Variants in ARHGEF10L observed in about 807,000 individuals in gnomAD.
ARHGEF10L encodes rho guanine nucleotide exchange factor 10-like protein.
A neutral mutation model predicts 141.2 loss-of-function variants in ARHGEF10L; 69 were observed. The ratio of observed to expected loss-of-function variants is 0.49; its 90% CI spans 0.40 to 0.60. ARHGEF10L has a LOEUF of 0.60. Among genes scored for constraint, ARHGEF10L ranks in the 20% least tolerant of loss-of-function variants. The pLI is 0.00. For missense variants in ARHGEF10L, 1,482 were observed against 1,734.3 expected, an observed-to-expected ratio of 0.85 and a Z score of 2.58; for synonymous variants, 711 against 718.5, an observed-to-expected ratio of 0.99 and a Z score of 0.17.
the ARHGEF10L span, among the ~76,000 whole-genome samples, chr1:17,523,688 C>G: frequency 6.6e-6 from 1 of 152,198 alleles, no homozygotes; most frequent in Admixed American, 6.5e-5. Context: ...CCTGCTCTTC[C>G]CACTCAGTGC....
chr1:17,540,984 T>C (rs6668260), intron 1 of ARHGEF10L, among the ~76,000 whole-genome samples: 66,677 of 152,036 alleles, frequency 0.44, 15,105 homozygotes, highest in East Asian at 0.61. Context: ...AGAAAGCAGG[T>C]CAGCCTCCGG....
intron 26 of ARHGEF10L, among the ~76,000 whole-genome samples, chr1:17,678,903 C>T (rs753206463): frequency 1.3e-4 from 20 of 152,064 alleles, no homozygotes; most frequent in Non-Finnish European, 2.6e-4. Flanking sequence ...TTAACTTTTT[C>T]GGAGGTAGGC....
chr1:17,673,549 G>A lies in ARHGEF10L; in HGVS notation c.3009+8954G>A, dbSNP rs71644064. ...ATGAATGAGGTCACATGTGCAGAGG[G>A]TGTAGGCTAGTGCCTAATGCACACT... On this transcript the variant is annotated intron_variant, in intron 26 of 28. Transcript: ENST00000361221. This position sits in a 1 kb window ranked among gnomAD's most constrained non-coding sequence, Gnocchi z 4.1. Among the ~76,000 whole-genome samples the A allele has an allele frequency of 0.14, 21,720 of 152,214 alleles. 1,699 individuals carry two copies. Among genetic ancestry groups the A allele is most frequent in the Non-Finnish European group, 0.16 (11,204 of 68,006 alleles).
Position 17,673,649 on chromosome 1 carries a change from A to C in ARHGEF10L, c.3009+9054A>C, listed in dbSNP as rs1316731527. Among the ~76,000 whole-genome samples the C allele has an allele frequency of 1.3e-5, 2 of 152,312 alleles. No homozygotes were observed. Among genetic ancestry groups the C allele is most frequent in the Admixed American group, 6.5e-5 (1 of 15,308 alleles). ...GTAGCAGGGAAGGTCCACAGGAGGC[A>C]ACCTCTGCAGGAGGCATTCCCGGCT... On this transcript the variant is annotated intron_variant, in intron 26 of 28. Transcript: ENST00000361221. The surrounding 1 kb of genome is among the most constrained non-coding windows in gnomAD (Gnocchi z 4.1).
At chr1:17,637,840 CT>C in intron 18 of ARHGEF10L, 47 bp from the exon 19 acceptor site, 1 of 1,510,884 alleles carries the variant, frequency 6.6e-7, no homozygotes, top group South Asian at 1.2e-5. Context: ...TGCTTGGCTT[CT>C]TGTTAGCGCC....
intron 4 of ARHGEF10L, among the ~76,000 whole-genome samples, chr1:17,590,747 G>A (rs1012715323): frequency 6.6e-6 from 1 of 152,160 alleles, no homozygotes; most frequent in Non-Finnish European, 1.5e-5. Flanking sequence ...AGCACTTTGG[G>A]AAGTCAAGGT....
intron 26 of ARHGEF10L, among the ~76,000 whole-genome samples, chr1:17,675,563 G>A (rs1057174308): frequency 2.7e-5 from 4 of 150,702 alleles, no homozygotes; most frequent in African/African-American, 9.8e-5. Context: ...GCGTGCAGAT[G>A]TGTGTGCAGG....
At chr1:17,514,861 G>A in the ARHGEF10L span, among the ~76,000 whole-genome samples, 2 of 152,158 alleles carry the variant, frequency 1.3e-5, no homozygotes, top group Non-Finnish European at 2.9e-5. Context: ...GGAGGTGGGG[G>A]AGGAGGGAGC....
At chr1:17,544,982 C>G (rs1007348042) in intron 1 of ARHGEF10L, among the ~76,000 whole-genome samples, 3 of 152,078 alleles carry the variant, frequency 2.0e-5, no homozygotes, top group Non-Finnish European at 4.4e-5. Context: ...GAAAACCTGC[C>G]CCTGTGATTC....
intron 1 of ARHGEF10L, among the ~76,000 whole-genome samples, chr1:17,574,663 C>G (rs2078145672): frequency 6.6e-6 from 1 of 152,200 alleles, no homozygotes; most frequent in Admixed American, 6.5e-5. Flanking sequence ...TCATCCTTCT[C>G]TTCTGCCTGC....
chr1:17,567,297 A>G (rs1316349531), intron 1 of ARHGEF10L, among the ~76,000 whole-genome samples: 1 of 152,164 alleles, frequency 6.6e-6, no homozygotes, highest in Non-Finnish European at 1.5e-5. Context: ...TCCTGTGTCA[A>G]GTGACATTGG....
intron 16 of ARHGEF10L, 128 bp downstream of exon 16, chr1:17,632,594 C>A: frequency 8.2e-7 from 1 of 1,219,826 alleles, no homozygotes; most frequent in Non-Finnish European, 1.2e-6. Flanking sequence ...TTCCAATATT[C>A]CTCTCCCATC....
At chr1:17,624,122 G>A (rs1436775937) in intron 12 of ARHGEF10L, among the ~76,000 whole-genome samples, 1 of 152,214 alleles carries the variant, frequency 6.6e-6, no homozygotes, top group Admixed American at 6.5e-5. Context: ...AGACCTGGGA[G>A]GCGAAGGTCC....
chr1:17,594,647 T>C (rs2079904320), intron 4 of ARHGEF10L, among the ~76,000 whole-genome samples: 1 of 152,132 alleles, frequency 6.6e-6, no homozygotes, highest in African/African-American at 2.4e-5. Context: ...CATGCCCGGC[T>C]AATTTTTTTC....
Position 17,638,557 on chromosome 1 carries a change from C to T in ARHGEF10L, c.2044-5C>T. ...TGGTGACCTCATTGGCCTCCTGAAC[C>T]CTAGAACCTGAACATGACTGTGGCT... On this transcript the variant is annotated splice_polypyrimidine_tract_variant and splice_region_variant and intron_variant, in intron 19 of 28. Transcript: ENST00000361221. The T allele has an allele frequency of 1.2e-6, 2 of 1,614,144 alleles. No individual in the cohort carries two copies. The highest frequency in any genetic ancestry group is 2.2e-5 in the South Asian group (2 of 91,078).
intron 26 of ARHGEF10L, among the ~76,000 whole-genome samples, chr1:17,666,501 A>G (rs988210671): frequency 1.3e-5 from 2 of 151,998 alleles, no homozygotes; most frequent in Non-Finnish European, 2.9e-5. Context: ...CATGAGCTCC[A>G]ACCTCATCTC....
intron 1 of ARHGEF10L, among the ~76,000 whole-genome samples, chr1:17,563,587 C>T (rs2077630576): frequency 6.6e-6 from 1 of 152,080 alleles, no homozygotes; most frequent in African/African-American, 2.4e-5. Flanking sequence ...CAGAACAGGA[C>T]TTGGCTCATG....
At position 17,656,526 on chromosome 1, in the gene ARHGEF10L, T is replaced by A. The variant is rs777086136; in HGVS notation, c.2706-28T>A. On this transcript the variant is annotated intron_variant, in intron 24 of 28. Coordinates refer to ENST00000361221, the MANE Select transcript of ARHGEF10L (RefSeq NM_018125.4). This position sits in a 1 kb window ranked among gnomAD's most constrained non-coding sequence, Gnocchi z 4.9. ...GTGGGTGGGAGTGCTCAGTGTGTCA[T>A]GACCGCTTCTCCAACCTCTCCCCGC... 1.9e-6 allele frequency: 3 copies of A among 1,598,310 alleles called. No individual in the cohort carries two copies. The highest frequency in any genetic ancestry group is 2.6e-6 in the Non-Finnish European group (3 of 1,169,500).
intron 26 of ARHGEF10L, among the ~76,000 whole-genome samples, chr1:17,687,164 G>A (rs954833362): frequency 2.0e-5 from 3 of 151,920 alleles, no homozygotes; most frequent in East Asian, 3.9e-4. Flanking sequence ...CATGATTTTC[G>A]GCTCCATCTT....
Sources: gnomAD v4.1 joint callset for allele counts (sites outside exome capture counted in the v4.1 genomes callset) on GRCh38, gnomAD v4.1.1 for gene constraint, Gnocchi (gnomAD v3.1) non-coding constraint, MANE v1.5 for transcripts, NCBI Gene and HGNC (gene_info 2026-07-23, HGNC 2026-07-21) for gene names.